Variants in ADAM12 observed in about 807,000 individuals in gnomAD.
The protein encoded by ADAM12 is ADAM metallopeptidase domain 12.
ADAM12 carries 70 observed loss-of-function variants against 106.4 expected under a neutral mutation model. The observed-to-expected ratio is 0.66, with a 90% CI of 0.54 to 0.80. ADAM12 has a LOEUF of 0.80. Among genes scored for constraint, ADAM12 ranks in the 30% least tolerant of loss-of-function variants. ADAM12 has a pLI of 0.00. For missense variants in ADAM12, 1,010 were observed against 1,171.9 expected (o/e 0.86, Z 2.02); for synonymous variants, 420 against 433.5 (o/e 0.97, Z 0.39).
chr10:126,175,339 G>A (rs111814951), intron 3 of ADAM12, among the ~76,000 whole-genome samples: 172 of 152,246 alleles, frequency 1.1e-3, no homozygotes, highest in Admixed American at 3.8e-3. Context: ...GCCTGCTGGC[G>A]GGGCAACCTT....
intron 3 of ADAM12, among the ~76,000 whole-genome samples, chr10:126,193,654 T>C (rs993434777): frequency 2.6e-5 from 4 of 152,120 alleles, no homozygotes; most frequent in Admixed American, 1.3e-4. Flanking sequence ...CCCAGAACTT[T>C]GGGAAGCTGA....
At chr10:126,335,394 A>G (rs950989545) in intron 1 of ADAM12, among the ~76,000 whole-genome samples, 2 of 152,230 alleles carry the variant, frequency 1.3e-5, no homozygotes, top group African/African-American at 4.8e-5. Context: ...TGAAAAATCT[A>G]AGTGAAAGCA....
At chr10:126,138,573 A>G (rs2133684712) in intron 4 of ADAM12, among the ~76,000 whole-genome samples, 1 of 152,180 alleles carries the variant, frequency 6.6e-6, no homozygotes, top group African/African-American at 2.4e-5. Context: ...ATGGAATTTC[A>G]CCATATTGGC....
Position 126,039,198 on chromosome 10 carries a change from C to T in ADAM12, c.2240+96G>A, listed in dbSNP as rs976261712. The T allele has an allele frequency of 1.1e-5, 16 of 1,449,330 alleles. No individual in the cohort carries two copies. The African/African-American group carries it at 1.7e-4, about 15-fold the overall frequency. 89.8% of individuals were successfully genotyped at this position (1,449,330 alleles called of 1,614,324 possible). On this transcript the variant is annotated intron_variant, in intron 19 of 22. Transcript: ENST00000448723. ...TCCTGACCTCGTGATCCGCCCGCCT[C>T]AGCCTCCCAAAGTGCTGGGATTACA...
chr10:126,166,529 C>T (rs927004456), intron 3 of ADAM12, among the ~76,000 whole-genome samples: 47 of 151,304 alleles, frequency 3.1e-4, no homozygotes, highest in African/African-American at 8.3e-4. Context: ...GACGGAGTCT[C>T]GTTTTATCAC....
intron 1 of ADAM12, among the ~76,000 whole-genome samples, chr10:126,380,466 C>A (rs2133934640): frequency 6.6e-6 from 1 of 152,300 alleles, no homozygotes; most frequent in African/African-American, 2.4e-5. Flanking sequence ...CTGCTGATCT[C>A]ACTATCTGAG....
At chr10:126,262,061 T>C (rs1362863110) in intron 3 of ADAM12, among the ~76,000 whole-genome samples, 1 of 152,196 alleles carries the variant, frequency 6.6e-6, no homozygotes, top group African/African-American at 2.4e-5. Flanking sequence ...ATCAATAGTA[T>C]AGGTTGAACT....
chr10:126,333,630 TACAGAAACCAAGTGTAAAG>T (rs1769261871), intron 1 of ADAM12, among the ~76,000 whole-genome samples: 2 of 152,172 alleles, frequency 1.3e-5, no homozygotes, highest in African/African-American at 4.8e-5. Flanking sequence ...AGGGTGAGGC[TACAGAAACCAAGTGTAAAG>T]AACATCCTCC....
At chr10:126,259,443 T>G (rs1207256568) in intron 3 of ADAM12, among the ~76,000 whole-genome samples, 1 of 152,220 alleles carries the variant, frequency 6.6e-6, no homozygotes, top group Non-Finnish European at 1.5e-5. Context: ...TTTTGCAAAG[T>G]TTGTTTACTG....
intron 3 of ADAM12, chr10:126,272,721 TGTTG>T (rs1959184761): frequency 5.9e-6 from 1 of 168,564 alleles, no homozygotes; most frequent in Admixed American, 6.0e-5. Context: ...GGTGAGTCAC[TGTTG>T]GTCCGGGTGC....
chr10:126,121,156 CTATATATACTA>C (rs1590444705), intron 5 of ADAM12, among the ~76,000 whole-genome samples: 5 of 31,600 alleles, frequency 1.6e-4, no homozygotes, highest in East Asian at 8.7e-4. Flanking sequence ...ACTATATATA[CTATATATACTA>C]TATATACTAT....
chr10:126,299,616 T>C (rs2053346648), intron 2 of ADAM12, among the ~76,000 whole-genome samples: 1 of 152,094 alleles, frequency 6.6e-6, no homozygotes, highest in Non-Finnish European at 1.5e-5. Context: ...CCCATGTTAC[T>C]GTCTAATATT....
chr10:126,121,211 T>C lies in ADAM12; in HGVS notation c.417-2987A>G, dbSNP rs1459528508. 5.7e-5 allele frequency among the ~76,000 whole-genome samples: 6 copies of C among 104,384 alleles called. No individual in the cohort carries two copies. The Admixed American group carries it at 7.9e-4, about 14-fold the overall frequency. 68.5% of individuals were successfully genotyped at this position (104,384 alleles called of 152,430 possible). A position where few individuals can be genotyped will look rare whatever the true frequency, so the allele number is the denominator to read the frequency against. ...TATACTATATATATACTATATACTATATATATTATATACTATAGTATATAT... is the reference window on the plus strand; with the variant it reads ...TATACTATATATATACTATATACTACATATATTATATACTATAGTATATAT... On this transcript the variant is annotated intron_variant, in intron 5 of 22. Transcript: ENST00000448723.
At chr10:126,086,671 AAAAAAAAAAATATAT>A (rs1486654366) in intron 11 of ADAM12, among the ~76,000 whole-genome samples, 3 of 61,454 alleles carry the variant, frequency 4.9e-5, no homozygotes, top group African/African-American at 3.2e-4. Context: ...AAAAAAAAAA[AAAAAAAAAAATATAT>A]ATATATATAT....
At chr10:126,261,199 C>T (rs1341601813) in intron 3 of ADAM12, among the ~76,000 whole-genome samples, 1 of 152,078 alleles carries the variant, frequency 6.6e-6, no homozygotes, top group Non-Finnish European at 1.5e-5. Flanking sequence ...GAGCTAATCT[C>T]CTTCAGATAC....
chr10:126,098,774 C>T (rs909400990), intron 9 of ADAM12, among the ~76,000 whole-genome samples: 1 of 152,128 alleles, frequency 6.6e-6, no homozygotes, highest in Non-Finnish European at 1.5e-5. Context: ...TGCCTATTTC[C>T]TAATGGACTG....
At chr10:126,206,006 T>A (rs928119526) in intron 3 of ADAM12, among the ~76,000 whole-genome samples, 1 of 152,332 alleles carries the variant, frequency 6.6e-6, no homozygotes, top group Middle Eastern at 3.4e-3. Context: ...GTGGGAAGGC[T>A]ATTATCTGGC....
chr10:126,071,809 A>G (rs1954999368), intron 11 of ADAM12, among the ~76,000 whole-genome samples, 155 bp from the exon 12 acceptor site: 1 of 152,248 alleles, frequency 6.6e-6, no homozygotes, highest in Non-Finnish European at 1.5e-5. Context: ...TCAGATATGC[A>G]GTGTCAAGTG....
At chr10:126,258,519 C>A (rs569722466) in intron 3 of ADAM12, among the ~76,000 whole-genome samples, 1 of 152,330 alleles carries the variant, frequency 6.6e-6, no homozygotes, top group South Asian at 2.1e-4. Flanking sequence ...TTCAATCCAT[C>A]CATGCCCTAC....
Sources: gnomAD v4.1 joint callset for allele counts (sites outside exome capture counted in the v4.1 genomes callset) on GRCh38, gnomAD v4.1.1 for gene constraint, MANE v1.5 for transcripts, NCBI Gene and HGNC (gene_info 2026-07-23, HGNC 2026-07-21) for gene names.